CFAP54: variants seen among roughly 807,000 people sequenced by gnomAD.
CFAP54 encodes the protein cilia and flagella associated protein 54, also known as cilia- and flagella-associated protein 54.
Under a neutral mutation model 370.4 loss-of-function variants are expected in CFAP54, and 290 were observed. The observed-to-expected ratio is 0.78, with a 90% CI of 0.71 to 0.86. The LOEUF is 0.86. CFAP54 is among the 40% of genes least tolerant of loss of function. The pLI is 0.00. For synonymous variants in CFAP54, 1,206 were observed against 1,236.5 expected (o/e 0.98, Z 0.52); for missense variants, 3,399 against 3,528.7 (o/e 0.96, Z 0.93).
chr12:96,507,236 T>C (rs1955112666), intron 4 of CFAP54, 137 bp downstream of exon 4: 1 of 708,822 alleles, frequency 1.4e-6, no homozygotes. Context: ...TTTTCAACAT[T>C]CGTGTGACAT....
chr12:96,676,357 T>G (rs543383488), intron 39 of CFAP54, among the ~76,000 whole-genome samples: 104 of 152,282 alleles, frequency 6.8e-4, no homozygotes, highest in Middle Eastern at 6.8e-3. Flanking sequence ...CTCATATTAT[T>G]ATATGTGGGG....
At chr12:96,580,503 C>A in intron 20 of CFAP54, 94 bp from the exon 21 acceptor site, 1 of 636,828 alleles carries the variant, frequency 1.6e-6, no homozygotes, top group Non-Finnish European at 2.4e-6. Context: ...GTTTTAAAAC[C>A]TGAATCATTA....
chr12:96,606,370 G>A (rs1249680519), intron 26 of CFAP54, among the ~76,000 whole-genome samples: 2 of 152,176 alleles, frequency 1.3e-5, no homozygotes, highest in Non-Finnish European at 2.9e-5. Flanking sequence ...TGACTTGAGA[G>A]TTATTGTAAG....
intron 62 of CFAP54, among the ~76,000 whole-genome samples, chr12:96,787,552 G>A (rs1285501508): frequency 3.3e-5 from 5 of 152,162 alleles, no homozygotes; most frequent in Non-Finnish European, 7.4e-5. Context: ...CTTCCAAAAT[G>A]AATGTGTTAA....
At chr12:96,788,324 A>G (rs1300565696) in intron 62 of CFAP54, among the ~76,000 whole-genome samples, 1 of 152,186 alleles carries the variant, frequency 6.6e-6, no homozygotes, top group Non-Finnish European at 1.5e-5. Context: ...TCGTAGATAC[A>G]GAATTTGAGA....
intron 5 of CFAP54, among the ~76,000 whole-genome samples, chr12:96,515,902 T>C (rs144288363): frequency 6.7e-6 from 1 of 148,360 alleles, no homozygotes; most frequent in Non-Finnish European, 1.5e-5. Context: ...GGTGCTGTCA[T>C]TACCTCTATG....
At chr12:96,859,745 C>A (rs969108118) in intron 66 of CFAP54, among the ~76,000 whole-genome samples, 6 of 152,014 alleles carry the variant, frequency 3.9e-5, no homozygotes, top group Admixed American at 2.0e-4. Context: ...TATTCTGTCT[C>A]CCTGAATTGA....
At chr12:96,719,419 G>T (rs574028797) in intron 49 of CFAP54, among the ~76,000 whole-genome samples, 1 of 152,088 alleles carries the variant, frequency 6.6e-6, no homozygotes, top group Non-Finnish European at 1.5e-5. Flanking sequence ...AAGATTGGTT[G>T]GTCCCTTTAT....
At chr12:96,716,195 G>A (rs113033567) in intron 48 of CFAP54, among the ~76,000 whole-genome samples, 29 of 152,176 alleles carry the variant, frequency 1.9e-4, no homozygotes, top group South Asian at 1.7e-3. Context: ...ATTTTCTATC[G>A]TTTCCTCAGT....
At chr12:96,675,096 T>G (rs1957190996) in intron 39 of CFAP54, among the ~76,000 whole-genome samples, 1 of 151,898 alleles carries the variant, frequency 6.6e-6, no homozygotes, top group African/African-American at 2.4e-5. Flanking sequence ...TGGGATCTAA[T>G]TAAACTAAAG....
At chr12:96,635,807 T>C (rs193107462) in intron 32 of CFAP54, among the ~76,000 whole-genome samples, 94 of 152,252 alleles carry the variant, frequency 6.2e-4, no homozygotes, top group African/African-American at 2.1e-3. Context: ...AAGATACAAA[T>C]GAATAGCCGC....
At chr12:96,642,488 CTGTA>C (rs1454131969) in intron 32 of CFAP54, among the ~76,000 whole-genome samples, 17 of 152,074 alleles carry the variant, frequency 1.1e-4, no homozygotes, top group African/African-American at 4.1e-4. Context: ...ATATAAATCT[CTGTA>C]TCTCTCTATC....
At chr12:96,825,526 A>G (rs1465499444) in intron 65 of CFAP54, among the ~76,000 whole-genome samples, 1 of 118,414 alleles carries the variant, frequency 8.4e-6, no homozygotes, top group Middle Eastern at 0.012. Flanking sequence ...AACATATTAT[A>G]TATTATTTAC....
At chr12:96,624,521 G>A (rs527758387) in intron 28 of CFAP54, among the ~76,000 whole-genome samples, 179 of 152,348 alleles carry the variant, frequency 1.2e-3, no homozygotes, top group Non-Finnish European at 2.0e-3. Flanking sequence ...TTAATGCAAT[G>A]ATTGGTATTT....
chr12:96,552,377 T>C (rs1345562326), intron 15 of CFAP54, among the ~76,000 whole-genome samples: 1 of 151,962 alleles, frequency 6.6e-6, no homozygotes, highest in East Asian at 1.9e-4. Context: ...AGGGTCTCAC[T>C]CTGTTACCCA....
chr12:96,638,868 T>A (rs1191354365), intron 32 of CFAP54, among the ~76,000 whole-genome samples: 1 of 152,224 alleles, frequency 6.6e-6, no homozygotes, highest in Non-Finnish European at 1.5e-5. Flanking sequence ...TCCCACTTCA[T>A]AGGGAACGCT....
chr12:96,747,397 C>A (rs996597068), intron 55 of CFAP54, among the ~76,000 whole-genome samples: 6 of 152,098 alleles, frequency 3.9e-5, no homozygotes, highest in African/African-American at 1.4e-4. Flanking sequence ...CTTTAATCTG[C>A]TATAATGAAC....
At chr12:96,847,914 G>A (rs1959403985) in intron 66 of CFAP54, among the ~76,000 whole-genome samples, 1 of 152,196 alleles carries the variant, frequency 6.6e-6, no homozygotes, top group African/African-American at 2.4e-5. Context: ...CAATGACAAT[G>A]GTAGTGATGG....
In CFAP54 at chr12:96,650,214, C is replaced by G. The variant is rs1042508843; in HGVS notation, c.4872+142C>G. The G allele has an allele frequency of 4.1e-6, 3 of 732,384 alleles. No homozygotes were observed. The South Asian group carries it at 6.0e-5, about 15-fold the overall frequency. The allele number at this position is 732,384 out of a possible 1,614,324, so 45.4% of individuals were successfully genotyped here. ...GAGATCTCATCTTGCTGGGTGTATC[C>G]TAAGTCACTTTTGAGGTGTACCTGC... On this transcript the variant is annotated intron_variant, in intron 35 of 67. Coordinates refer to ENST00000524981, the MANE Select transcript of CFAP54 (RefSeq NM_001306084.2).
Sources: allele counts gnomAD v4.1 joint callset (sites outside exome capture counted in the v4.1 genomes callset), GRCh38; gene constraint gnomAD v4.1.1; transcripts MANE v1.5; gene names NCBI Gene and HGNC (gene_info 2026-07-23, HGNC 2026-07-21).